The following LIN9 variants were observed in gnomAD, a reference collection of about 807,000 sequenced individuals.
The protein encoded by LIN9 is protein lin-9 homolog.
LIN9 carries 18 observed loss-of-function variants against 78.0 expected under a neutral mutation model. The observed-to-expected ratio is 0.23, with a 90% CI of 0.16 to 0.34. The LOEUF (loss-of-function observed/expected upper bound fraction) is 0.34, where lower values mean the gene tolerates loss of function less well. Among genes scored for constraint, LIN9 ranks in the 10% least tolerant of loss-of-function variants. LIN9 has a pLI of 1.00. For missense variants in LIN9, 451 were observed against 644.1 expected, an observed-to-expected ratio of 0.70 and a Z score of 3.25; for synonymous variants, 192 against 215.2, an observed-to-expected ratio of 0.89 and a Z score of 0.94.
At chr1:226,267,821 G>A (rs1044891648) in intron 8 of LIN9, 136 bp downstream of exon 8, 3 of 854,968 alleles carry the variant, frequency 3.5e-6, no homozygotes, top group Admixed American at 2.9e-5. Flanking sequence ...CTAGCAGATA[G>A]GGCTGGGGTC....
At chr1:226,254,901 ACT>A (rs1339969561) in intron 10 of LIN9, among the ~76,000 whole-genome samples, 13 of 135,896 alleles carry the variant, frequency 9.6e-5, no homozygotes, top group South Asian at 2.4e-4. Context: ...ACAGAGCGAG[ACT>A]CTGTCTCAAA....
At chr1:226,269,656 A>G (rs937543155) in intron 7 of LIN9, among the ~76,000 whole-genome samples, 1 of 152,198 alleles carries the variant, frequency 6.6e-6, no homozygotes, top group Non-Finnish European at 1.5e-5. Flanking sequence ...CATGAAAGAC[A>G]GCCAGAAATT....
At chr1:226,307,573 T>C (rs1366698295) in intron 1 of LIN9, among the ~76,000 whole-genome samples, 2 of 152,114 alleles carry the variant, frequency 1.3e-5, no homozygotes, top group Non-Finnish European at 2.9e-5. Flanking sequence ...GAGGCAGAGG[T>C]TGCAATGAGC....
intron 7 of LIN9, among the ~76,000 whole-genome samples, chr1:226,272,944 T>C (rs570117972): frequency 6.6e-6 from 1 of 152,232 alleles, no homozygotes; most frequent in South Asian, 2.1e-4. Context: ...TCTCAATCCT[T>C]TGATTCAGCT....
intron 10 of LIN9, among the ~76,000 whole-genome samples, chr1:226,261,238 T>C (rs1222973249): frequency 1.3e-5 from 2 of 151,892 alleles, no homozygotes; most frequent in African/African-American, 2.4e-5. Context: ...AAGGCAACAA[T>C]GTCCTCTCTT....
At chr1:226,264,713 G>C (rs1207196686) in intron 10 of LIN9, among the ~76,000 whole-genome samples, 1 of 152,106 alleles carries the variant, frequency 6.6e-6, no homozygotes. Context: ...GCCGGGCATA[G>C]TGGTGCATGC....
At chr1:226,260,684 A>G (rs1005101282) in intron 10 of LIN9, among the ~76,000 whole-genome samples, 3 of 106,906 alleles carry the variant, frequency 2.8e-5, no homozygotes, top group African/African-American at 1.1e-4. Flanking sequence ...TTGCTCTGTC[A>G]CCCAGGCCGG....
chr1:226,273,430 G>C (rs150707313), intron 7 of LIN9, among the ~76,000 whole-genome samples: 2 of 151,594 alleles, frequency 1.3e-5, no homozygotes, highest in Non-Finnish European at 2.9e-5. Flanking sequence ...ATTTTTTGTA[G>C]AAACAGTGTT....
Position 226,232,382 on chromosome 1 carries a change from G to C in LIN9, c.*119C>G, listed in dbSNP as rs951087088. The C allele has an allele frequency of 1.7e-6, 1 of 593,698 alleles. No individual in the cohort carries two copies. The highest frequency in any genetic ancestry group is 1.9e-5 in the African/African-American group (1 of 52,864). 36.8% of individuals were successfully genotyped at this position (593,698 alleles called of 1,614,324 possible). A position where few individuals can be genotyped will look rare whatever the true frequency, so the allele number is the denominator to read the frequency against. ...TACAGTCTATTAAAATGCCTTATTT[G>C]GAGATTTAAATTTCCCTTGTTTTCC... is the stretch of plus-strand genomic sequence containing the variant. On this transcript the variant is annotated 3_prime_UTR_variant, in exon 15 of 15. Coordinates refer to ENST00000681046, the MANE Select transcript of LIN9 (RefSeq NM_001366245.2).
intron 10 of LIN9, among the ~76,000 whole-genome samples, chr1:226,252,087 G>GT (rs1658867209): frequency 6.6e-6 from 1 of 151,948 alleles, no homozygotes; most frequent in African/African-American, 2.4e-5. Flanking sequence ...AGCTGGGATC[G>GT]TGAGTCTAGG....
In LIN9 at chr1:226,251,011, C is replaced by G. The variant is rs544366645; in HGVS notation, c.1039-92G>C. The G allele has an allele frequency of 2.0e-5, 13 of 642,864 alleles. No homozygotes were observed. In the East Asian group the frequency reaches 3.6e-4, roughly 18 times the overall value. 39.8% of individuals were successfully genotyped at this position (642,864 alleles called of 1,614,324 possible). On this transcript the variant is annotated intron_variant, in intron 10 of 14. Coordinates refer to ENST00000681046, the MANE Select transcript of LIN9 (RefSeq NM_001366245.2). Reference sequence around the variant, plus strand: ...TTTCCAATATTTTAGTAAGATACTTCAGCAATAGATTTTAGTGTTTCAACA... The same window carrying G: ...TTTCCAATATTTTAGTAAGATACTTGAGCAATAGATTTTAGTGTTTCAACA...
intron 7 of LIN9, among the ~76,000 whole-genome samples, chr1:226,270,824 C>CAAAA (rs764106581): frequency 9.0e-5 from 2 of 22,158 alleles, no homozygotes; most frequent in Non-Finnish European, 2.7e-4. Flanking sequence ...GACTCTGTCT[C>CAAAA]AAAAAAAAAA....
At chr1:226,251,176 C>G (rs1261930265) in intron 10 of LIN9, among the ~76,000 whole-genome samples, 1 of 152,042 alleles carries the variant, frequency 6.6e-6, no homozygotes, top group Non-Finnish European at 1.5e-5. Flanking sequence ...AACTCAGCCT[C>G]CCGAGTAGCA....
chr1:226,281,632 TC>T, intron 6 of LIN9, among the ~76,000 whole-genome samples: 1 of 152,122 alleles, frequency 6.6e-6, no homozygotes, highest in Admixed American at 6.5e-5. Context: ...CCAAAAAAAG[TC>T]TTCTTGACAT....
At chr1:226,273,780 T>C (rs920103427) in intron 7 of LIN9, among the ~76,000 whole-genome samples, 1 of 151,740 alleles carries the variant, frequency 6.6e-6, no homozygotes, top group Non-Finnish European at 1.5e-5. Flanking sequence ...TGATGCATAC[T>C]AAAGTTTTTG....
chr1:226,241,586 C>A (rs1425165302), intron 11 of LIN9, among the ~76,000 whole-genome samples: 2 of 152,206 alleles, frequency 1.3e-5, no homozygotes, highest in East Asian at 3.9e-4. Context: ...AGGCCGGGTG[C>A]GGTGGCTCAC....
chr1:226,292,448 C>G (rs1661852554), intron 4 of LIN9, among the ~76,000 whole-genome samples: 1 of 151,948 alleles, frequency 6.6e-6, no homozygotes, highest in Non-Finnish European at 1.5e-5. Context: ...ACCACTGCAC[C>G]AGACCAGAAA....
intron 8 of LIN9, 150 bp downstream of exon 8, chr1:226,267,807 G>C (rs1252202885): frequency 4.3e-6 from 3 of 703,676 alleles, no homozygotes; most frequent in Non-Finnish European, 4.5e-6. Flanking sequence ...TCCGAACCAG[G>C]GGTCTAGCAG....
intron 11 of LIN9, among the ~76,000 whole-genome samples, chr1:226,241,372 A>G (rs550257875): frequency 2.6e-4 from 39 of 152,354 alleles, no homozygotes; most frequent in African/African-American, 8.9e-4. Context: ...ATACTTTTGC[A>G]GACTCAGAAC....
Sources: gnomAD v4.1 joint callset for allele counts (sites outside exome capture counted in the v4.1 genomes callset) on GRCh38, gnomAD v4.1.1 for gene constraint, MANE v1.5 for transcripts, NCBI Gene and HGNC (gene_info 2026-07-23, HGNC 2026-07-21) for gene names.